KDM3B: variants seen among roughly 807,000 people sequenced by gnomAD.
KDM3B encodes the protein lysine demethylase 3B, also known as lysine-specific demethylase 3B.
In KDM3B, 10 loss-of-function variants were observed where a neutral mutation model predicts 170.0. That is an observed-to-expected ratio of 0.06 (90% CI 0.04 to 0.10). The LOEUF is 0.10. KDM3B is among the 10% of genes least tolerant of loss of function. The pLI, the probability that KDM3B is intolerant of heterozygous loss-of-function variation, is 1.00. For synonymous variants in KDM3B, 831 were observed against 834.8 expected, an observed-to-expected ratio of 1.00 and a Z score of 0.08; for missense variants, 1,394 against 2,195.2, an observed-to-expected ratio of 0.64 and a Z score of 7.29.
At chr5:138,367,939 G>A (rs545394306) in intron 1 of KDM3B, among the ~76,000 whole-genome samples, 1 of 152,058 alleles carries the variant, frequency 6.6e-6, no homozygotes, top group East Asian at 1.9e-4. Context: ...CTTGAACCTG[G>A]GAGGTGGAGG....
At position 138,419,002 on chromosome 5, in the gene KDM3B, C is replaced by T. The variant is rs773885881; in HGVS notation, c.3485C>T (p.Ser1162Phe). Residue 1162 changes from serine to phenylalanine, a missense_variant, in exon 14 of 24, where the codon TCT becomes TTT. Ser to Phe is a radical substitution (Grantham distance 155). Around this residue, in one of 19 missense-constraint regions of KDM3B, gnomAD observed 87 missense variants for 83.3 expected, o/e 1.04. Transcript: ENST00000314358. The part of the protein sequence containing the change: ...SASSGNETTF[S>F]GGGGPAPVTT... ...TCTTCTGGAAACGAAACTACCTTCT[C>T]TGGTGGAGGAGGACCGGCACCAGTA... 3 of 1,614,066 alleles carry T rather than the reference C, an allele frequency of 1.9e-6. No individual in the cohort carries two copies. The highest frequency in any genetic ancestry group is 2.5e-6 in the Non-Finnish European group (3 of 1,180,042).
At chr5:138,375,529 C>G (rs1761975823) in intron 3 of KDM3B, among the ~76,000 whole-genome samples, 1 of 151,938 alleles carries the variant, frequency 6.6e-6, no homozygotes, top group Non-Finnish European at 1.5e-5. Flanking sequence ...AGGCGCCTGC[C>G]ACAAAGCCCG....
chr5:138,416,858 T>C (rs1763119660), intron 12 of KDM3B, among the ~76,000 whole-genome samples: 1 of 152,218 alleles, frequency 6.6e-6, no homozygotes, highest in African/African-American at 2.4e-5. Flanking sequence ...TCTCACCCTG[T>C]TGCCCAGGCT....
At position 138,386,524 on chromosome 5, in the gene KDM3B, G is replaced by C; in HGVS notation, c.1283G>C (p.Ser428Thr). 1.2e-6 allele frequency: 2 copies of C among 1,614,216 alleles called. No homozygotes were observed. The highest frequency in any genetic ancestry group is 1.7e-6 in the Non-Finnish European group (2 of 1,180,034). The change falls in exon 7 of 24, where the codon AGC becomes ACC. Residue 428 changes from serine to threonine, a missense_variant. By Grantham distance (58) the Ser-to-Thr change is moderately conservative. This residue lies in a region of KDM3B where 205 missense variants were observed against 227.6 expected (regional missense o/e 0.90). Coordinates refer to ENST00000314358, the MANE Select transcript of KDM3B (RefSeq NM_016604.4). ...VASAAVVTTA[S>T]STPNTVRISD... ...TCCGCAGCTGTGGTCACTACCGCCA[G>C]CTCCACCCCAAACACAGTGAGGATC...
In KDM3B at chr5:138,391,971, C is replaced by G; in HGVS notation, c.2339C>G (p.Pro780Arg). ...GRHSGGFLSS[P>R]ADFSQENKAP... is the part of the protein sequence containing the mutation. ...CACTCAGGCGGCTTTCTGTCCTCCC[C>G]GGCAGATTTTTCACAGGAGAACAAA... Residue 780 changes from proline (P) to arginine (R), a missense_variant, in exon 8 of 24, where the codon CCG (proline) becomes CGG (arginine). Pro to Arg is a moderately radical substitution (Grantham distance 103, BLOSUM62 -2). This residue lies in a region of KDM3B where 84 missense variants were observed against 135.8 expected (regional missense o/e 0.62). Transcript: ENST00000314358. The surrounding 1 kb of genome is among the most constrained non-coding windows in gnomAD (Gnocchi z 5.0). 1 of 1,613,122 alleles carries G rather than the reference C, an allele frequency of 6.2e-7. No individual in the cohort carries two copies. Among genetic ancestry groups the G allele is most frequent in the Non-Finnish European group, 8.5e-7 (1 of 1,179,130 alleles).
chr5:138,396,499 T>C (rs1414006130), intron 9 of KDM3B, among the ~76,000 whole-genome samples: 1 of 152,186 alleles, frequency 6.6e-6, no homozygotes, highest in African/African-American at 2.4e-5. Context: ...ATTTATGTGC[T>C]GGCAGCAGTG....
intron 4 of KDM3B, among the ~76,000 whole-genome samples, chr5:138,378,810 T>G (rs1228993995): frequency 2.7e-5 from 4 of 148,926 alleles, no homozygotes; most frequent in Non-Finnish European, 5.9e-5. Context: ...ATGATATATA[T>G]ATATAGATAT....
intron 15 of KDM3B, 77 bp downstream of exon 15, chr5:138,421,039 G>A (rs1410606116): frequency 1.3e-6 from 2 of 1,501,852 alleles, no homozygotes; most frequent in Non-Finnish European, 1.8e-6. Flanking sequence ...TTGGGTTAGA[G>A]GGTACATGGG....
In KDM3B at chr5:138,391,720, T is replaced by G. The variant is rs1174477988; in HGVS notation, c.2088T>G (p.Thr696=). The change falls in exon 8 of 24, where the codon ACT becomes ACG. Residue 696 remains threonine (T), a synonymous_variant. Coordinates refer to ENST00000314358, the MANE Select transcript of KDM3B (RefSeq NM_016604.4). The surrounding 1 kb of genome is among the most constrained non-coding windows in gnomAD (Gnocchi z 5.0). ...AGAAGAAACCCCTCTTCATTACAACTGACTCCTCCAAGCTAGTATCTGGTG... is the reference window on the plus strand; with the variant it reads ...AGAAGAAACCCCTCTTCATTACAACGGACTCCTCCAAGCTAGTATCTGGTG... ...LAKKKPLFIT[T]DSSKLVSGVL... 1.9e-6 allele frequency: 3 copies of G among 1,614,114 alleles called. No individual in the cohort carries two copies. In the Admixed American group the frequency reaches 5.0e-5, roughly 27 times the overall value.
Position 138,392,076 on chromosome 5 carries a change from A to G in KDM3B, c.2444A>G (p.Asn815Ser). The change falls in exon 8 of 24, where the codon AAC becomes AGC. Residue 815 changes from asparagine to serine, a missense_variant. This residue lies in a region of KDM3B where 84 missense variants were observed against 135.8 expected (regional missense o/e 0.62). Coordinates refer to ENST00000314358, the MANE Select transcript of KDM3B (RefSeq NM_016604.4). The stretch of plus-strand genomic sequence containing the variant: ...AGACAAGACTCGGACTCCAGCACCA[A>G]CAGTGACCTGTCAGATTTGAGTGAC... The part of the protein sequence containing the change: ...ACRQDSDSST[N>S]SDLSDLSDSE... 1 of 1,613,000 alleles carries G rather than the reference A, an allele frequency of 6.2e-7. No individual in the cohort carries two copies. The highest frequency in any genetic ancestry group is 8.5e-7 in the Non-Finnish European group (1 of 1,179,022).
chr5:138,406,591 T>A (rs1384073338), intron 11 of KDM3B, among the ~76,000 whole-genome samples: 1 of 152,054 alleles, frequency 6.6e-6, no homozygotes, highest in East Asian at 1.9e-4. Flanking sequence ...TGAGCTGAGG[T>A]CGCGACATTG....
rs762348345 is a variant in KDM3B at position 138,377,844 on chromosome 5, C to A, written c.580+19C>A. On this transcript the variant is annotated intron_variant, in intron 4 of 23. Transcript: ENST00000314358. ...AGCCGAGGTAAGAACGGATAGTCTT[C>A]TGTCCCTGAACTCTGATTCAGGTGA... is the stretch of plus-strand genomic sequence containing the variant. The A allele has an allele frequency of 3.2e-6, 5 of 1,552,240 alleles. No individual in the cohort carries two copies. Among genetic ancestry groups the A allele is most frequent in the Non-Finnish European group, 4.4e-6 (5 of 1,124,158 alleles).
chr5:138,413,112 A>C (rs768997109), intron 11 of KDM3B, among the ~76,000 whole-genome samples: 2 of 152,146 alleles, frequency 1.3e-5, no homozygotes, highest in Non-Finnish European at 2.9e-5. Flanking sequence ...TTGGCCAGGC[A>C]TGTTGGCTCA....
At chr5:138,402,604 G>A (rs1475032163) in intron 11 of KDM3B, among the ~76,000 whole-genome samples, 1 of 152,168 alleles carries the variant, frequency 6.6e-6, no homozygotes, top group Non-Finnish European at 1.5e-5. Flanking sequence ...AGCTGCTAGA[G>A]TATTCTGCAC....
chr5:138,372,510 T>C (rs557767048), intron 1 of KDM3B, among the ~76,000 whole-genome samples, 164 bp from the exon 2 acceptor site: 3 of 152,360 alleles, frequency 2.0e-5, no homozygotes, highest in South Asian at 4.1e-4. Flanking sequence ...ACCAGCTTCC[T>C]GGCTCTGAAG....
chr5:138,353,589 T>C (rs1761385015), intron 1 of KDM3B, among the ~76,000 whole-genome samples: 2 of 152,208 alleles, frequency 1.3e-5, no homozygotes. Flanking sequence ...CTCCTCTCCT[T>C]TCCTTAACGC....
At position 138,368,894 on chromosome 5, in the gene KDM3B, G is replaced by T. The variant is rs1048371057; in HGVS notation, c.193-3780G>T. Among the ~76,000 whole-genome samples, 4 of 152,282 alleles carry T rather than the reference G, an allele frequency of 2.6e-5. No individual in the cohort carries two copies. The East Asian group carries it at 7.7e-4, about 29-fold the overall frequency. ...TAATGTTTTTAGGTATGCGATAATA[G>T]TATTGAATTCTTGAATATTAACTTT... On this transcript the variant is annotated intron_variant, in intron 1 of 23. Transcript: ENST00000314358.
chr5:138,374,365 TCTC>T, intron 2 of KDM3B: 1 of 401,134 alleles, frequency 2.5e-6, no homozygotes, highest in Non-Finnish European at 5.1e-6. Context: ...TTCAAGCAAT[TCTC>T]CTGCCTCAGC....
chr5:138,405,844 G>A (rs1762805210), intron 11 of KDM3B, among the ~76,000 whole-genome samples: 1 of 152,190 alleles, frequency 6.6e-6, no homozygotes, highest in South Asian at 2.1e-4. Context: ...AAAACTGGAA[G>A]TATAGTTTTG....
Sources: allele counts gnomAD v4.1 joint callset (sites outside exome capture counted in the v4.1 genomes callset), GRCh38; gene constraint gnomAD v4.1.1; regional missense constraint gnomAD v4.1.1; non-coding constraint Gnocchi (gnomAD v3.1); transcripts MANE v1.5; gene names NCBI Gene and HGNC (gene_info 2026-07-23, HGNC 2026-07-21).